PFDN4: variants seen among roughly 807,000 people sequenced by gnomAD.
PFDN4 encodes the protein prefoldin 4.
A neutral mutation model predicts 17.6 loss-of-function variants in PFDN4; 6 were observed. That is an observed-to-expected ratio of 0.34 (90% CI 0.19 to 0.67). The LOEUF is 0.67. Among genes scored for constraint, PFDN4 ranks in the 30% least tolerant of loss-of-function variants. The probability of loss-of-function intolerance (pLI) is 0.68; values close to 1 mark genes in which losing one functional copy is unlikely to be tolerated. For missense variants in PFDN4, 119 were observed against 158.4 expected (o/e 0.75, Z 1.33); for synonymous variants, 48 against 51.1 (o/e 0.94, Z 0.26).
intron 1 of PFDN4, chr20:54,208,370 G>C: frequency 2.3e-6 from 1 of 430,392 alleles, no homozygotes; most frequent in Non-Finnish European, 4.1e-6. Context: ...GAAGGACGCA[G>C]GTCCGCCTCC....
At chr20:54,217,458 G>T (rs2092764129) in intron 3 of PFDN4, among the ~76,000 whole-genome samples, 1 of 152,176 alleles carries the variant, frequency 6.6e-6, no homozygotes, top group South Asian at 2.1e-4. Context: ...ATTGTACTTT[G>T]TCTTAGCAGG....
At chr20:54,210,776 C>T (rs1178018924) in intron 1 of PFDN4, among the ~76,000 whole-genome samples, 1 of 152,214 alleles carries the variant, frequency 6.6e-6, no homozygotes, top group Non-Finnish European at 1.5e-5. Flanking sequence ...TGAACATTAT[C>T]TTGTTCATCT....
At chr20:54,216,698 C>T (rs1006465887) in intron 3 of PFDN4, among the ~76,000 whole-genome samples, 1 of 151,916 alleles carries the variant, frequency 6.6e-6, no homozygotes, top group Non-Finnish European at 1.5e-5. Context: ...GCCCTGTCGC[C>T]CAGGCTGGAG....
chr20:54,218,714 C>T (rs2092765935), intron 3 of PFDN4, among the ~76,000 whole-genome samples: 1 of 152,124 alleles, frequency 6.6e-6, no homozygotes. Flanking sequence ...CCAGGATAAA[C>T]TATTTATAGA....
chr20:54,216,356 GTC>G (rs1441230979), intron 3 of PFDN4, among the ~76,000 whole-genome samples: 1 of 152,164 alleles, frequency 6.6e-6, no homozygotes, highest in Non-Finnish European at 1.5e-5. Flanking sequence ...TAAAATGATA[GTC>G]TCTCTTCAAA....
intron 1 of PFDN4, among the ~76,000 whole-genome samples, chr20:54,213,038 T>C: frequency 6.6e-6 from 1 of 152,250 alleles, no homozygotes; most frequent in African/African-American, 2.4e-5. Context: ...TTCCGACCAC[T>C]GAGCTCTGTA....
chr20:54,209,764 CTTTT>C (rs1275487095), intron 1 of PFDN4, among the ~76,000 whole-genome samples: 2 of 151,824 alleles, frequency 1.3e-5, no homozygotes, highest in Non-Finnish European at 2.9e-5. Context: ...TAATTACCAA[CTTTT>C]TTTTTCCTTT....
chr20:54,211,959 G>A (rs967811119), intron 1 of PFDN4, among the ~76,000 whole-genome samples: 7 of 152,086 alleles, frequency 4.6e-5, no homozygotes, highest in Admixed American at 3.9e-4. Context: ...TTGGGAGGCC[G>A]AGGCTGGTGG....
rs1194589158 is a variant in PFDN4 at position 54,219,252 on chromosome 20, T to A, written c.*102T>A. On this transcript the variant is annotated 3_prime_UTR_variant, in exon 4 of 4. Transcript: ENST00000371419. ...ACATGGAAAGCAAAACTTTCTTTTT[T>A]AAAAATTTTCATTTATTTAATGGAA... The A allele has an allele frequency of 6.9e-6, 5 of 724,650 alleles. No individual in the cohort carries two copies. The highest frequency in any genetic ancestry group is 2.7e-5 in the South Asian group (1 of 36,514). The allele number at this position is 724,650 out of a possible 1,614,324, so 44.9% of individuals were successfully genotyped here.
At chr20:54,218,699 C>T (rs1393209944) in intron 3 of PFDN4, among the ~76,000 whole-genome samples, 1 of 152,178 alleles carries the variant, frequency 6.6e-6, no homozygotes, top group Non-Finnish European at 1.5e-5. Flanking sequence ...TAGAAGCCAG[C>T]AGGCCCAGGA....
Position 54,219,011 on chromosome 20 carries a change from T to G in PFDN4, c.274-8T>G. On this transcript the variant is annotated splice_polypyrimidine_tract_variant and splice_region_variant and intron_variant, in intron 3 of 3. Coordinates refer to ENST00000371419, the MANE Select transcript of PFDN4 (RefSeq NM_002623.4). ...GAATAGAATTAATTTAAAATATTTT[T>G]TTTCCAGAAAAATTTGCAAGAAGAA... 1.4e-6 allele frequency: 2 copies of G among 1,461,802 alleles called. No homozygotes were observed. Among genetic ancestry groups the G allele is most frequent in the African/African-American group, 2.9e-5 (2 of 69,976 alleles). The allele number at this position is 1,461,802 out of a possible 1,614,324, so 90.6% of individuals were successfully genotyped here.
intron 1 of PFDN4, among the ~76,000 whole-genome samples, chr20:54,212,867 A>G (rs182553528): frequency 1.3e-5 from 2 of 152,380 alleles, no homozygotes; most frequent in Admixed American, 1.3e-4. Context: ...CCCAACTTCC[A>G]TATTCATCAA....
chr20:54,210,301 C>T (rs1342554188), intron 1 of PFDN4, among the ~76,000 whole-genome samples: 1 of 152,174 alleles, frequency 6.6e-6, no homozygotes, highest in African/African-American at 2.4e-5. Context: ...GATGCAGTGT[C>T]CTCCTGTAGA....
intron 1 of PFDN4, among the ~76,000 whole-genome samples, chr20:54,209,194 G>A (rs192223422): frequency 6.6e-6 from 1 of 152,266 alleles, no homozygotes; most frequent in East Asian, 1.9e-4. Context: ...AAACAGGCGC[G>A]GAGGCAAAGC....
chr20:54,215,296 A>G lies in PFDN4; in HGVS notation c.133-4A>G. On this transcript the variant is annotated splice_polypyrimidine_tract_variant and splice_region_variant and intron_variant, in intron 2 of 3. Coordinates refer to ENST00000371419, the MANE Select transcript of PFDN4 (RefSeq NM_002623.4). Reference sequence around the variant, plus strand: ...ACATTTTCTTTGCCATTTTGCATTTATAGAAACAACTCCAAAACCTAGAAG... The same window carrying G: ...ACATTTTCTTTGCCATTTTGCATTTGTAGAAACAACTCCAAAACCTAGAAG... 6.4e-7 allele frequency: 1 copy of G among 1,562,454 alleles called. No homozygotes were observed. Among genetic ancestry groups the G allele is most frequent in the Non-Finnish European group, 8.7e-7 (1 of 1,150,654 alleles).
intron 1 of PFDN4, among the ~76,000 whole-genome samples, chr20:54,209,175 A>G (rs2092752448): frequency 6.6e-6 from 1 of 152,304 alleles, no homozygotes; most frequent in Admixed American, 6.5e-5. Flanking sequence ...TCCTTATTTA[A>G]CAATGAGAAA....
At chr20:54,208,338 C>T in intron 1 of PFDN4, 1 of 448,090 alleles carries the variant, frequency 2.2e-6, no homozygotes, top group East Asian at 3.7e-5. Flanking sequence ...GGCGGGGCGC[C>T]GGGGCTGGGG....
At chr20:54,209,128 GTTTAT>G (rs1449070265) in intron 1 of PFDN4, among the ~76,000 whole-genome samples, 7 of 152,132 alleles carry the variant, frequency 4.6e-5, no homozygotes, top group African/African-American at 9.7e-5. Context: ...TGCGTGTATT[GTTTAT>G]TTTATGTTCT....
At chr20:54,216,956 C>T (rs28591096) in intron 3 of PFDN4, among the ~76,000 whole-genome samples, 66 of 152,292 alleles carry the variant, frequency 4.3e-4, no homozygotes, top group African/African-American at 1.5e-3. Context: ...CCACCACACC[C>T]GGCTGAACCT....
Sources: gnomAD v4.1 joint callset for allele counts (sites outside exome capture counted in the v4.1 genomes callset) on GRCh38, gnomAD v4.1.1 for gene constraint, MANE v1.5 for transcripts, NCBI Gene and HGNC (gene_info 2026-07-23, HGNC 2026-07-21) for gene names.